PRKCE: variants seen among roughly 807,000 people sequenced by gnomAD.
PRKCE encodes protein kinase C epsilon type.
A neutral mutation model predicts 85.4 loss-of-function variants in PRKCE; 16 were observed. The observed-to-expected ratio is 0.19, with a 90% CI of 0.13 to 0.28. The LOEUF (loss-of-function observed/expected upper bound fraction) is 0.28, where lower values mean the gene tolerates loss of function less well. PRKCE is among the 10% of genes least tolerant of loss of function. The probability of loss-of-function intolerance (pLI) is 1.00; values close to 1 mark genes in which losing one functional copy is unlikely to be tolerated. For missense variants in PRKCE, 573 were observed against 975.2 expected (o/e 0.59, Z 5.49); for synonymous variants, 388 against 371.5 (o/e 1.04, Z -0.51).
intron 2 of PRKCE, among the ~76,000 whole-genome samples, chr2:45,964,734 G>C (rs1405885972): frequency 6.6e-6 from 1 of 152,184 alleles, no homozygotes; most frequent in East Asian, 1.9e-4. Context: ...AGTGTGCTTG[G>C]CATCAGAAAC....
At chr2:45,877,186 TG>T (rs1313764640) in intron 2 of PRKCE, among the ~76,000 whole-genome samples, 1 of 152,176 alleles carries the variant, frequency 6.6e-6, no homozygotes, top group Non-Finnish European at 1.5e-5. Context: ...GTATGGTTGC[TG>T]TTGAGAAGTT....
At chr2:45,949,463 T>C (rs1276236937) in intron 2 of PRKCE, among the ~76,000 whole-genome samples, 2 of 147,580 alleles carry the variant, frequency 1.4e-5, no homozygotes, top group South Asian at 4.5e-4. Context: ...GTTTTTAATA[T>C]ACATTGAACT....
intron 1 of PRKCE, among the ~76,000 whole-genome samples, chr2:45,724,336 T>G (rs1159610404): frequency 6.6e-6 from 1 of 152,246 alleles, no homozygotes; most frequent in Admixed American, 6.5e-5. Context: ...TGATAAATGT[T>G]GTGTGTGTCC....
chr2:45,734,410 A>G (rs992470547), intron 1 of PRKCE, among the ~76,000 whole-genome samples: 1 of 152,032 alleles, frequency 6.6e-6, no homozygotes. Flanking sequence ...TTCCATGTCT[A>G]TAGTTGAGCC....
rs1481238637 is a variant in PRKCE, at chr2:45,907,424, G to A, written c.412+64361G>A. Among the ~76,000 whole-genome samples, 2 of 152,232 alleles carry A rather than the reference G, an allele frequency of 1.3e-5. No individual in the cohort carries two copies. Among genetic ancestry groups the A allele is most frequent in the African/African-American group, 4.8e-5 (2 of 41,446 alleles). ...CCTGCATTGCATTTGCTGAATAGCT[G>A]TTGGGGTAACACTCCTGTGAACAAA... On this transcript the variant is annotated intron_variant, in intron 2 of 14. Coordinates refer to ENST00000306156, the MANE Select transcript of PRKCE (RefSeq NM_005400.3). This position sits in a 1 kb window ranked among gnomAD's most constrained non-coding sequence, Gnocchi z 4.5.
intron 1 of PRKCE, among the ~76,000 whole-genome samples, chr2:45,724,143 G>A (rs1680862071): frequency 6.6e-6 from 1 of 152,140 alleles, no homozygotes; most frequent in Admixed American, 6.5e-5. Context: ...TGGCAAGCCT[G>A]TGTCAGTCAA....
At chr2:45,942,680 A>G (rs1328724369) in intron 2 of PRKCE, among the ~76,000 whole-genome samples, 1 of 152,190 alleles carries the variant, frequency 6.6e-6, no homozygotes, top group Non-Finnish European at 1.5e-5. Flanking sequence ...TTTGTTGTGT[A>G]AGCACGCTTT....
intron 2 of PRKCE, among the ~76,000 whole-genome samples, chr2:45,873,161 G>T (rs1300688042): frequency 6.6e-6 from 1 of 152,162 alleles, no homozygotes; most frequent in Non-Finnish European, 1.5e-5. Flanking sequence ...ATATTGGACG[G>T]CCACTTCCTA....
chr2:46,100,437 C>T (rs1030445510), intron 11 of PRKCE, among the ~76,000 whole-genome samples: 4 of 152,166 alleles, frequency 2.6e-5, no homozygotes, highest in Non-Finnish European at 4.4e-5. Flanking sequence ...AAGCAGAGCT[C>T]CCGCAAGGGG....
In PRKCE at chr2:45,857,619, C is replaced by T. The variant is rs191139860; in HGVS notation, c.412+14556C>T. On this transcript the variant is annotated intron_variant, in intron 2 of 14. Coordinates refer to ENST00000306156, the MANE Select transcript of PRKCE (RefSeq NM_005400.3). ...TTGGAGATGAGGTCTTGCTGTGTTG[C>T]CCATACTGGTCTTGAACTCCTGAGC... 3.7e-3 allele frequency among the ~76,000 whole-genome samples: 570 copies of T among 152,146 alleles called. 3 individuals are homozygous for T. The highest frequency in any genetic ancestry group is 5.7e-3 in the Non-Finnish European group (387 of 68,018).
At chr2:45,898,574 C>G (rs1696328728) in intron 2 of PRKCE, among the ~76,000 whole-genome samples, 1 of 152,214 alleles carries the variant, frequency 6.6e-6, no homozygotes, top group African/African-American at 2.4e-5. Context: ...GCTTTCCTAT[C>G]TGGTTATGCT....
chr2:45,954,425 T>A (rs1700835996), intron 2 of PRKCE, among the ~76,000 whole-genome samples: 1 of 152,150 alleles, frequency 6.6e-6, no homozygotes, highest in Non-Finnish European at 1.5e-5. Flanking sequence ...AAAGAACATG[T>A]AAGGAAATGT....
intron 1 of PRKCE, among the ~76,000 whole-genome samples, chr2:45,753,406 A>T (rs1683745990): frequency 6.6e-6 from 1 of 152,224 alleles, no homozygotes; most frequent in African/African-American, 2.4e-5. Flanking sequence ...ACTAGACTGA[A>T]ACTAAACTAA....
intron 11 of PRKCE, among the ~76,000 whole-genome samples, chr2:46,102,574 G>A (rs147018107): frequency 7.2e-5 from 11 of 152,182 alleles, no homozygotes; most frequent in East Asian, 3.9e-4. Context: ...CCTTCTTGTC[G>A]TTGTTCCAGG....
intron 11 of PRKCE, among the ~76,000 whole-genome samples, chr2:46,108,578 C>A (rs529161940): frequency 1.5e-4 from 23 of 152,166 alleles, no homozygotes; most frequent in Non-Finnish European, 3.1e-4. Flanking sequence ...GTGATGGCTG[C>A]ACTGAAGACC....
chr2:46,134,168 T>A (rs1674730013), intron 11 of PRKCE, among the ~76,000 whole-genome samples: 1 of 152,240 alleles, frequency 6.6e-6, no homozygotes, highest in Admixed American at 6.5e-5. Flanking sequence ...CCACGATCTG[T>A]GAATTCACTT....
intron 1 of PRKCE, among the ~76,000 whole-genome samples, chr2:45,729,078 C>T (rs915472127): frequency 5.3e-5 from 8 of 152,136 alleles, no homozygotes; most frequent in Non-Finnish European, 1.2e-4. Flanking sequence ...GGTAGGATTC[C>T]GACCATGGCT....
intron 2 of PRKCE, among the ~76,000 whole-genome samples, chr2:45,946,354 T>A (rs1700242963): frequency 6.6e-6 from 1 of 152,222 alleles, no homozygotes; most frequent in African/African-American, 2.4e-5. Context: ...CATTTAAAAT[T>A]TATGATACGG....
chr2:46,073,482 G>A (rs1376117111), intron 10 of PRKCE: 1 of 151,624 alleles, frequency 6.6e-6, no homozygotes, highest in East Asian at 2.0e-4. Flanking sequence ...ATTTACTGGG[G>A]CTGGCTGTTG....
Sources: gnomAD v4.1 joint callset for allele counts (sites outside exome capture counted in the v4.1 genomes callset) on GRCh38, gnomAD v4.1.1 for gene constraint, Gnocchi (gnomAD v3.1) non-coding constraint, MANE v1.5 for transcripts, NCBI Gene and HGNC (gene_info 2026-07-23, HGNC 2026-07-21) for gene names.